Variants in C1QTNF3 observed in about 807,000 individuals in gnomAD.
The protein encoded by C1QTNF3 is complement C1q tumor necrosis factor-related protein 3.
C1QTNF3 carries 26 observed loss-of-function variants against 32.6 expected under a neutral mutation model. The observed-to-expected ratio is 0.80, with a 90% confidence interval of 0.58 to 1.11. C1QTNF3 has a LOEUF of 1.11. Among genes scored for constraint, C1QTNF3 ranks in the 50% least tolerant of loss-of-function variants. The pLI is 0.00. For missense variants in C1QTNF3, 362 were observed against 398.2 expected, an observed-to-expected ratio of 0.91 and a Z score of 0.77; for synonymous variants, 155 against 146.0, an observed-to-expected ratio of 1.06 and a Z score of -0.44.
the C1QTNF3 span, among the ~76,000 whole-genome samples, chr5:34,102,294 T>C: frequency 6.6e-6 from 1 of 152,178 alleles, no homozygotes; most frequent in East Asian, 1.9e-4. Context: ...TTTACACACA[T>C]AAGTTTTTTC....
chr5:34,047,260 G>C (rs1470933474), upstream of C1QTNF3, among the ~76,000 whole-genome samples: 4 of 152,240 alleles, frequency 2.6e-5, no homozygotes, highest in East Asian at 7.7e-4. Context: ...GGCCCAGTTA[G>C]GACGTTGGCA....
At chr5:34,173,997 A>G in the C1QTNF3 span, among the ~76,000 whole-genome samples, 62 of 152,230 alleles carry the variant, frequency 4.1e-4, no homozygotes, top group Admixed American at 1.2e-3. Context: ...GAGTCTCTAG[A>G]ACCAAAAGTT....
chr5:34,131,060 A>G, the C1QTNF3 span, among the ~76,000 whole-genome samples: 1 of 152,266 alleles, frequency 6.6e-6, no homozygotes, highest in East Asian at 1.9e-4. Flanking sequence ...AGTTTAAGAC[A>G]ACTGAATATT....
At chr5:34,225,707 G>C in the C1QTNF3 span, among the ~76,000 whole-genome samples, 2 of 151,680 alleles carry the variant, frequency 1.3e-5, no homozygotes, top group South Asian at 4.2e-4. Flanking sequence ...CCTTGGTCTT[G>C]GGTCTTCCTT....
chr5:34,158,422 C>T, the C1QTNF3 span: 1 of 152,052 alleles, frequency 6.6e-6, no homozygotes, highest in African/African-American at 2.4e-5. Flanking sequence ...TGCTCTTTTT[C>T]AGGTGGCCAA....
the C1QTNF3 span, among the ~76,000 whole-genome samples, chr5:34,183,168 CG>C: frequency 6.6e-6 from 1 of 152,138 alleles, no homozygotes; most frequent in African/African-American, 2.4e-5. Context: ...TAGTAGAGAC[CG>C]GGTTTCACCA....
At chr5:34,077,620 A>G in the C1QTNF3 span, among the ~76,000 whole-genome samples, 1 of 151,690 alleles carries the variant, frequency 6.6e-6, no homozygotes, top group Admixed American at 6.6e-5. Context: ...TTAAGTATAT[A>G]AACAATAGAA....
chr5:34,136,294 A>G, the C1QTNF3 span, among the ~76,000 whole-genome samples: 1 of 152,266 alleles, frequency 6.6e-6, no homozygotes, highest in Non-Finnish European at 1.5e-5. Context: ...AACACAAACC[A>G]ATTTACAAGA....
chr5:34,055,837 G>C, the C1QTNF3 span, among the ~76,000 whole-genome samples: 1 of 152,216 alleles, frequency 6.6e-6, no homozygotes, highest in Non-Finnish European at 1.5e-5. Flanking sequence ...TATGCAGTGG[G>C]AAATCTGCAT....
Position 34,042,974 on chromosome 5 carries a change from C to T in C1QTNF3, c.152G>A (p.Gly51Asp). 6.2e-7 allele frequency: 1 copy of T among 1,614,210 alleles called. No homozygotes were observed. The highest frequency in any genetic ancestry group is 8.5e-7 in the Non-Finnish European group (1 of 1,180,034). The change falls in exon 1 of 6, where the codon GGC becomes GAC. Residue 51 changes from glycine (G) to aspartate (D), a missense_variant. Transcript: ENST00000382065. ...CTCTCTCACTTTCTCCCTCCTGGAG[C>T]CGCTACGGCCAGTCTGCTGGTGGCT... Reference protein sequence around the residue: ...VQSHQQTGRSGSRREKVRERS... With the variant: ...VQSHQQTGRSDSRREKVRERS...
At chr5:34,170,721 A>G in the C1QTNF3 span, among the ~76,000 whole-genome samples, 16 of 152,308 alleles carry the variant, frequency 1.1e-4, no homozygotes, top group Admixed American at 9.8e-4. Flanking sequence ...ATAATTTCCT[A>G]CGGTGATAAC....
chr5:34,075,858 GAAT>G, the C1QTNF3 span, among the ~76,000 whole-genome samples: 1 of 146,876 alleles, frequency 6.8e-6, no homozygotes, highest in African/African-American at 2.6e-5. Flanking sequence ...CACAGTCAAT[GAAT>G]GGATAAACAA....
the C1QTNF3 span, among the ~76,000 whole-genome samples, chr5:34,132,964 G>A: frequency 9.2e-5 from 14 of 152,196 alleles, no homozygotes; most frequent in Admixed American, 5.9e-4. Context: ...TAATTAGATT[G>A]TGCATTAGCC....
intron 1 of C1QTNF3, 121 bp downstream of exon 1, chr5:34,042,702 G>A (rs1234072870): frequency 3.1e-6 from 3 of 958,238 alleles, no homozygotes; most frequent in South Asian, 1.7e-5. Context: ...GCAGCTTAGC[G>A]AACTTCTCGA....
At chr5:34,066,194 T>C in the C1QTNF3 span, among the ~76,000 whole-genome samples, 1 of 152,210 alleles carries the variant, frequency 6.6e-6, no homozygotes, top group Non-Finnish European at 1.5e-5. Flanking sequence ...TTTCAGGTTT[T>C]GTCTTTCTGC....
chr5:34,040,383 T>A (rs965224021), intron 1 of C1QTNF3, among the ~76,000 whole-genome samples: 13 of 151,878 alleles, frequency 8.6e-5, no homozygotes, highest in African/African-American at 2.9e-4. Context: ...CTCCTTTTTT[T>A]AAACCTCCTG....
chr5:34,225,303 T>C, the C1QTNF3 span, among the ~76,000 whole-genome samples: 1 of 152,022 alleles, frequency 6.6e-6, no homozygotes, highest in African/African-American at 2.4e-5. Flanking sequence ...ATCAGGGAAG[T>C]AATTAAAGAG....
the C1QTNF3 span, among the ~76,000 whole-genome samples, chr5:34,234,791 T>C: frequency 6.6e-6 from 1 of 152,152 alleles, no homozygotes; most frequent in Non-Finnish European, 1.5e-5. Flanking sequence ...TTTTCTCTTA[T>C]TCTCCATGCC....
At chr5:34,160,101 G>A in the C1QTNF3 span, among the ~76,000 whole-genome samples, 4 of 152,174 alleles carry the variant, frequency 2.6e-5, no homozygotes, top group Non-Finnish European at 5.9e-5. Flanking sequence ...CATCAGACTT[G>A]TGTTTATTAT....
Sources: allele counts gnomAD v4.1 joint callset (sites outside exome capture counted in the v4.1 genomes callset), GRCh38; gene constraint gnomAD v4.1.1; transcripts MANE v1.5; gene names NCBI Gene and HGNC (gene_info 2026-07-23, HGNC 2026-07-21).